The following LRP1B variants were observed in gnomAD, a reference collection of about 807,000 sequenced individuals.
The protein encoded by LRP1B is low-density lipoprotein receptor-related protein 1B.
In LRP1B, 217 loss-of-function variants were observed where a neutral mutation model predicts 556.6. The ratio of observed to expected loss-of-function variants is 0.39; its 90% CI spans 0.35 to 0.44. The LOEUF (loss-of-function observed/expected upper bound fraction) is 0.44. Ranked by LOEUF, LRP1B falls within the 20% of genes least tolerant of loss-of-function variation. The pLI is 1.00. For missense variants in LRP1B, 5,053 were observed against 5,620.8 expected (o/e 0.90, Z 3.23); for synonymous variants, 2,047 against 1,865.8 (o/e 1.10, Z -2.50).
intron 2 of LRP1B, among the ~76,000 whole-genome samples, chr2:141,572,501 C>A (rs1446638139): frequency 6.6e-6 from 1 of 152,066 alleles, no homozygotes; most frequent in Non-Finnish European, 1.5e-5. Context: ...AGATCAATGA[C>A]ACTATGAAGA....
At chr2:141,159,031 T>G (rs1016870780) in intron 7 of LRP1B, among the ~76,000 whole-genome samples, 1 of 152,170 alleles carries the variant, frequency 6.6e-6, no homozygotes, top group African/African-American at 2.4e-5. Flanking sequence ...TCACAGTGCT[T>G]TATAATAAAA....
At chr2:141,865,095 A>G (rs374269986) in intron 1 of LRP1B, among the ~76,000 whole-genome samples, 5 of 152,158 alleles carry the variant, frequency 3.3e-5, no homozygotes, top group African/African-American at 1.2e-4. Flanking sequence ...ACCAGAGTAA[A>G]TAAGCTGAAG....
At chr2:140,264,904 C>T (rs1682129588) in intron 86 of LRP1B, among the ~76,000 whole-genome samples, 1 of 151,884 alleles carries the variant, frequency 6.6e-6, no homozygotes, top group Admixed American at 6.6e-5. Context: ...CATTTGGGTT[C>T]AGTGAGCTAT....
intron 2 of LRP1B, among the ~76,000 whole-genome samples, chr2:141,734,616 G>T (rs1693396969): frequency 6.6e-6 from 1 of 151,976 alleles, no homozygotes; most frequent in African/African-American, 2.4e-5. Flanking sequence ...TTTTCTTTTG[G>T]TTTCTGCGCA....
chr2:140,615,585 G>C (rs1221454809), intron 41 of LRP1B, among the ~76,000 whole-genome samples: 1 of 152,078 alleles, frequency 6.6e-6, no homozygotes, highest in Non-Finnish European at 1.5e-5. Context: ...CTTTCATCTA[G>C]CTAGCTTTGA....
intron 3 of LRP1B, among the ~76,000 whole-genome samples, chr2:141,450,924 A>G (rs1397612869): frequency 6.6e-6 from 1 of 152,180 alleles, no homozygotes; most frequent in Non-Finnish European, 1.5e-5. Context: ...ACTATTTCAT[A>G]TCCAACAAAA....
At chr2:140,341,920 G>C (rs1028352728) in intron 77 of LRP1B, among the ~76,000 whole-genome samples, 2 of 151,378 alleles carry the variant, frequency 1.3e-5, no homozygotes, top group African/African-American at 4.8e-5. Flanking sequence ...AACCAGAGGA[G>C]ACTAACTTAA....
At chr2:141,159,512 G>A (rs1360047281) in intron 7 of LRP1B, among the ~76,000 whole-genome samples, 1 of 152,066 alleles carries the variant, frequency 6.6e-6, no homozygotes, top group Admixed American at 6.6e-5. Context: ...GACTACAGGT[G>A]CACACAACTG....
chr2:141,300,433 T>C (rs534745101), intron 3 of LRP1B, among the ~76,000 whole-genome samples: 1 of 152,270 alleles, frequency 6.6e-6, no homozygotes, highest in African/African-American at 2.4e-5. Flanking sequence ...ACAGTAGGCC[T>C]GGAAAGTTAA....
chr2:141,310,314 A>C (rs1686764211), intron 3 of LRP1B, among the ~76,000 whole-genome samples: 1 of 152,126 alleles, frequency 6.6e-6, no homozygotes, highest in Admixed American at 6.6e-5. Flanking sequence ...TTTTATTAAA[A>C]CTGTGTGATC....
intron 68 of LRP1B, among the ~76,000 whole-genome samples, chr2:140,374,771 A>C (rs994035702): frequency 3.9e-5 from 6 of 152,136 alleles, no homozygotes; most frequent in African/African-American, 1.4e-4. Context: ...CAAGTATCTA[A>C]TACTGTCACA....
At chr2:141,225,850 TG>T (rs1042926165) in intron 6 of LRP1B, among the ~76,000 whole-genome samples, 9 of 152,202 alleles carry the variant, frequency 5.9e-5, no homozygotes, top group African/African-American at 2.2e-4. Flanking sequence ...AATCATTGGG[TG>T]GGCCTTTTCA....
intron 2 of LRP1B, among the ~76,000 whole-genome samples, chr2:141,554,950 T>C (rs1685907577): frequency 6.6e-6 from 1 of 151,978 alleles, no homozygotes; most frequent in South Asian, 2.1e-4. Flanking sequence ...GTGATGTTAA[T>C]GCACAGAAGA....
At chr2:140,834,594 C>T (rs928988404) in intron 31 of LRP1B, among the ~76,000 whole-genome samples, 34 of 152,166 alleles carry the variant, frequency 2.2e-4, no homozygotes, top group Non-Finnish European at 3.4e-4. Flanking sequence ...ACTACTAAGA[C>T]TTGGCCAGTT....
At position 141,058,498 on chromosome 2, in the gene LRP1B, A is replaced by G. The variant is rs1304955346; in HGVS notation, c.1408+385T>C. ...TGCAATGTTAAGTTAGGAGAGCCCAATGACTATAATAAACACTGGACAGAT... is the reference window on the plus strand; with the variant it reads ...TGCAATGTTAAGTTAGGAGAGCCCAGTGACTATAATAAACACTGGACAGAT... On this transcript the variant is annotated intron_variant, in intron 9 of 90. Transcript: ENST00000389484. Among the ~76,000 whole-genome samples, 4 of 151,978 alleles carry G rather than the reference A, an allele frequency of 2.6e-5. No individual in the cohort carries two copies. The East Asian group carries it at 5.8e-4, about 22-fold the overall frequency.
intron 2 of LRP1B, among the ~76,000 whole-genome samples, chr2:141,784,908 A>T (rs1695380260): frequency 6.6e-6 from 1 of 151,926 alleles, no homozygotes; most frequent in Non-Finnish European, 1.5e-5. Context: ...CTCAAGTCCT[A>T]CATATGAATT....
rs1688463641 is a variant in LRP1B, at chr2:140,748,818, TAATA to T, written c.5758+20391_5758+20394del. ...TATATACATATTATATACATGTATA[TAATA>T]TATATCATATATTATATACATGTAT... On this transcript the variant is annotated intron_variant, in intron 35 of 90. Coordinates refer to ENST00000389484, the MANE Select transcript of LRP1B (RefSeq NM_018557.3). Among the ~76,000 whole-genome samples the T allele has an allele frequency of 1.3e-4, 12 of 93,352 alleles. 1 individual carries two copies. The allele number at this position is 93,352 out of a possible 152,430, so 61.2% of individuals were successfully genotyped here.
At chr2:141,380,303 C>A (rs548174322) in intron 3 of LRP1B, among the ~76,000 whole-genome samples, 1 of 152,032 alleles carries the variant, frequency 6.6e-6, no homozygotes, top group Non-Finnish European at 1.5e-5. Flanking sequence ...TCTTTTCCAG[C>A]TGCTGTCCAA....
At chr2:142,120,019 T>C (rs543778116) in intron 1 of LRP1B, among the ~76,000 whole-genome samples, 2 of 152,232 alleles carry the variant, frequency 1.3e-5, no homozygotes, top group African/African-American at 4.8e-5. Context: ...AGGGCTCTAA[T>C]TGTCCAACAG....
Sources: gnomAD v4.1 joint callset for allele counts (sites outside exome capture counted in the v4.1 genomes callset) on GRCh38, gnomAD v4.1.1 for gene constraint, MANE v1.5 for transcripts, NCBI Gene and HGNC (gene_info 2026-07-23, HGNC 2026-07-21) for gene names.